The following WWOX variants were observed in gnomAD, a reference collection of about 807,000 sequenced individuals.
The protein encoded by WWOX is WW domain containing oxidoreductase.
Under a neutral mutation model 46.2 loss-of-function variants are expected in WWOX, and 69 were observed. The ratio of observed to expected loss-of-function variants is 1.49; its 90% CI spans 1.23 to 1.82. WWOX has a LOEUF of 1.82. Ranked by LOEUF, WWOX falls within the 40% of genes most tolerant of loss-of-function variation. The pLI, the probability that WWOX is intolerant of heterozygous loss-of-function variation, is 0.00. For missense variants in WWOX, 919 were observed against 542.6 expected (o/e 1.69, Z -6.89); for synonymous variants, 359 against 202.6 (o/e 1.77, Z -6.56).
At chr16:78,712,148 A>C (rs1482448485) in intron 8 of WWOX, among the ~76,000 whole-genome samples, 1 of 152,142 alleles carries the variant, frequency 6.6e-6, no homozygotes, top group Non-Finnish European at 1.5e-5. Context: ...GCCAATGTTC[A>C]ATTGACTTCG....
chr16:78,224,829 G>A (rs1247606114), intron 5 of WWOX, among the ~76,000 whole-genome samples: 1 of 152,178 alleles, frequency 6.6e-6, no homozygotes, highest in East Asian at 1.9e-4. Flanking sequence ...TAATTTTACT[G>A]TGCATTTTCT....
chr16:78,615,901 C>G (rs548047450), intron 8 of WWOX, among the ~76,000 whole-genome samples: 4 of 151,956 alleles, frequency 2.6e-5, no homozygotes, highest in African/African-American at 9.7e-5. Flanking sequence ...CAGGCGCCCG[C>G]CACCACACTC....
intron 8 of WWOX, among the ~76,000 whole-genome samples, chr16:79,197,824 G>C (rs1233746446): frequency 6.6e-6 from 1 of 152,128 alleles, no homozygotes. Context: ...CCATGATGAT[G>C]GGAAGTCCTT....
intron 8 of WWOX, among the ~76,000 whole-genome samples, chr16:79,084,869 G>A (rs2048825648): frequency 6.6e-6 from 1 of 152,134 alleles, no homozygotes; most frequent in African/African-American, 2.4e-5. Flanking sequence ...GTACATATAT[G>A]TATATTTTAC....
At chr16:78,240,382 G>A (rs1391745770) in intron 5 of WWOX, among the ~76,000 whole-genome samples, 1 of 152,146 alleles carries the variant, frequency 6.6e-6, no homozygotes, top group East Asian at 1.9e-4. Context: ...AAGGCTCTGT[G>A]AAGTCAGAGG....
At chr16:78,574,459 A>T (rs772205319) in intron 8 of WWOX, among the ~76,000 whole-genome samples, 1 of 152,094 alleles carries the variant, frequency 6.6e-6, no homozygotes, top group Admixed American at 6.5e-5. Context: ...TGAAGACTGT[A>T]AGACCTGAAT....
intron 5 of WWOX, among the ~76,000 whole-genome samples, chr16:78,339,878 G>C (rs1013989174): frequency 8.6e-6 from 1 of 115,664 alleles, no homozygotes; most frequent in Admixed American, 8.6e-5. Context: ...CCAAATAGGA[G>C]ACTGTTCCCT....
At chr16:78,312,116 T>G (rs1269415850) in intron 5 of WWOX, among the ~76,000 whole-genome samples, 1 of 152,176 alleles carries the variant, frequency 6.6e-6, no homozygotes, top group African/African-American at 2.4e-5. Flanking sequence ...CTCTTACTTT[T>G]AAGGACCCTT....
intron 8 of WWOX, among the ~76,000 whole-genome samples, chr16:78,671,282 G>A (rs997593162): frequency 3.3e-5 from 5 of 152,056 alleles, no homozygotes; most frequent in African/African-American, 4.8e-5. Context: ...AAAATGAGCC[G>A]GGTGTGGTGG....
At chr16:78,916,309 G>T (rs376728894) in intron 8 of WWOX, among the ~76,000 whole-genome samples, 2 of 152,160 alleles carry the variant, frequency 1.3e-5, no homozygotes, top group African/African-American at 2.4e-5. Flanking sequence ...TTTCAGAGGG[G>T]TTTCCTTTAG....
intron 8 of WWOX, among the ~76,000 whole-genome samples, chr16:78,706,418 C>G (rs370428944): frequency 1.1e-3 from 167 of 152,184 alleles, no homozygotes; most frequent in South Asian, 4.6e-3. Context: ...TGAGCCTTCC[C>G]GATTCCATTT....
At chr16:78,524,276 T>C (rs1195034977) in intron 8 of WWOX, among the ~76,000 whole-genome samples, 1 of 152,252 alleles carries the variant, frequency 6.6e-6, no homozygotes, top group African/African-American at 2.4e-5. Context: ...ACAGCCATGA[T>C]GAGCAATACT....
In WWOX at chr16:78,350,813, C is replaced by G. The variant is rs2081170405; in HGVS notation, c.517-36047C>G. Among the ~76,000 whole-genome samples the G allele has an allele frequency of 1.7e-5, 2 of 120,108 alleles. 1 individual carries two copies. The highest frequency in any genetic ancestry group is 5.7e-5 in the African/African-American group (2 of 35,350). The allele number at this position is 120,108 out of a possible 152,430, so 78.8% of individuals were successfully genotyped here. ...GGTTTACCTTTTTTGGGGTATGCTC[C>G]TAAGAGTGCAATTTCTGGATCACGT... On this transcript the variant is annotated intron_variant, in intron 5 of 8. Transcript: ENST00000566780.
chr16:78,776,635 A>C (rs544309155), intron 8 of WWOX, among the ~76,000 whole-genome samples: 2 of 152,200 alleles, frequency 1.3e-5, no homozygotes, highest in African/African-American at 4.8e-5. Context: ...TCACACTGCT[A>C]TAAAAAACTG....
At chr16:78,566,936 C>T (rs927632362) in intron 8 of WWOX, among the ~76,000 whole-genome samples, 2 of 152,152 alleles carry the variant, frequency 1.3e-5, no homozygotes, top group Admixed American at 1.3e-4. Context: ...GTATCGATAG[C>T]AATCATAGTA....
At chr16:79,151,589 T>C (rs932134325) in intron 8 of WWOX, among the ~76,000 whole-genome samples, 1 of 152,214 alleles carries the variant, frequency 6.6e-6, no homozygotes, top group Non-Finnish European at 1.5e-5. Flanking sequence ...GACCTCACCC[T>C]CTGCTTATGG....
At chr16:78,863,356 G>A (rs1162034495) in intron 8 of WWOX, among the ~76,000 whole-genome samples, 4 of 152,172 alleles carry the variant, frequency 2.6e-5, no homozygotes, top group Non-Finnish European at 5.9e-5. Context: ...AAATCTCTAG[G>A]CCAAGTGTTC....
chr16:79,083,123 T>C (rs1027641409), intron 8 of WWOX, among the ~76,000 whole-genome samples: 2 of 152,118 alleles, frequency 1.3e-5, no homozygotes, highest in African/African-American at 2.4e-5. Flanking sequence ...AGGAACTCCA[T>C]AGTTGGGAGC....
chr16:78,506,152 G>A (rs1254862904), intron 8 of WWOX, among the ~76,000 whole-genome samples: 1 of 152,194 alleles, frequency 6.6e-6, no homozygotes, highest in East Asian at 1.9e-4. Context: ...AGTGACTTCT[G>A]TGGACGTGAA....
Sources: gnomAD v4.1 joint callset for allele counts (sites outside exome capture counted in the v4.1 genomes callset) on GRCh38, gnomAD v4.1.1 for gene constraint, MANE v1.5 for transcripts, NCBI Gene and HGNC (gene_info 2026-07-23, HGNC 2026-07-21) for gene names.